Variants in MROH1 observed in about 807,000 individuals in gnomAD.
MROH1 encodes maestro heat-like repeat-containing protein family member 1.
A neutral mutation model predicts 116.5 loss-of-function variants in MROH1; 117 were observed. That is an observed-to-expected ratio of 1.00 (90% confidence interval 0.86 to 1.17). MROH1 has a LOEUF of 1.17. MROH1 is among the 50% of genes most tolerant of loss of function. The probability of loss-of-function intolerance (pLI) is 0.00; values close to 1 mark genes in which losing one functional copy is unlikely to be tolerated. For synonymous variants in MROH1, 921 were observed against 583.9 expected (o/e 1.58, Z -8.32); for missense variants, 1,873 against 1,338.5 (o/e 1.40, Z -6.23).
chr8:144,244,867 G>A (rs999296770), intron 28 of MROH1, among the ~76,000 whole-genome samples: 9,186 of 152,272 alleles, frequency 0.06, 952 homozygotes, highest in African/African-American at 0.21. Flanking sequence ...CATGCTCGGA[G>A]TGTGTTCTTC....
intron 10 of MROH1, among the ~76,000 whole-genome samples, chr8:144,195,586 C>T (rs952808771): frequency 4.0e-5 from 6 of 149,958 alleles, no homozygotes; most frequent in African/African-American, 1.2e-4. Flanking sequence ...AGGTGATCCT[C>T]TTGTCTCAGC....
Position 144,243,856 on chromosome 8 carries a change from C to T in MROH1, c.2476-7C>T. 1.3e-6 allele frequency: 1 copy of T among 778,500 alleles called. No homozygotes were observed. Among genetic ancestry groups the T allele is most frequent in the Non-Finnish European group, 2.4e-6 (1 of 416,994 alleles). 48.2% of individuals were successfully genotyped at this position (778,500 alleles called of 1,614,324 possible). On this transcript the variant is annotated splice_region_variant and splice_polypyrimidine_tract_variant and intron_variant, in intron 25 of 43. Transcript: ENST00000326134. ...CAAGGGCTGAGTCATGCACCTGCCTCACCCAGGAGTTCATCAGGGCAGAGC... is the reference window on the plus strand; with the variant it reads ...CAAGGGCTGAGTCATGCACCTGCCTTACCCAGGAGTTCATCAGGGCAGAGC...
intron 12 of MROH1, among the ~76,000 whole-genome samples, chr8:144,207,567 G>A (rs1002744816): frequency 1.1e-4 from 16 of 152,126 alleles, no homozygotes; most frequent in African/African-American, 3.9e-4. Flanking sequence ...GTGCAGTTCT[G>A]TGATCATAGC....
At chr8:144,255,410 C>T (rs1843551862) in intron 34 of MROH1, 99 bp from the exon 35 acceptor site, 2 of 702,618 alleles carry the variant, frequency 2.8e-6, no homozygotes, top group Non-Finnish European at 5.3e-6. Context: ...CCTCCGAGCA[C>T]ATGATGCAGG....
rs1841377410 is a variant in MROH1, at chr8:144,243,535, G to A, written c.2394G>A (p.Met798Ile). Residue 798 changes from methionine (M) to isoleucine (I), a missense_variant, in exon 25 of 44, where the codon ATG (methionine) becomes ATA (isoleucine). Physicochemically the swap from Met to Ile is conservative, Grantham distance 10 (BLOSUM62 1). Coordinates refer to ENST00000326134, the MANE Select transcript of MROH1 (RefSeq NM_032450.3). ...TGTGCCTTGTCCAGAGTGTGTGCAT[G>A]GTCAGCCGCGCCATCTGCAGCAGCA... Reference protein sequence around the residue: ...LKLCLVQSVCMVSRAICSSTQ... With the variant: ...LKLCLVQSVCIVSRAICSSTQ... The A allele has an allele frequency of 1.0e-5, 8 of 780,156 alleles. No individual in the cohort carries two copies. Among genetic ancestry groups the A allele is most frequent in the South Asian group, 2.7e-5 (2 of 74,610 alleles). 48.3% of individuals were successfully genotyped at this position (780,156 alleles called of 1,614,324 possible). A position where few individuals can be genotyped will look rare whatever the true frequency, so the allele number is the denominator to read the frequency against.
chr8:144,241,044 A>G lies in MROH1; in HGVS notation c.1988A>G (p.Glu663Gly). 1 of 776,234 alleles carries G rather than the reference A, an allele frequency of 1.3e-6. No homozygotes were observed. The allele number at this position is 776,234 out of a possible 1,614,324, so 48.1% of individuals were successfully genotyped here. The change falls in exon 21 of 44, where the codon GAG becomes GGG. Residue 663 changes from glutamate (E) to glycine (G), a missense_variant. Physicochemically the swap from Glu to Gly is moderately conservative, Grantham distance 98. Coordinates refer to ENST00000326134, the MANE Select transcript of MROH1 (RefSeq NM_032450.3). Reference protein sequence around the residue: ...GTTLGAASSKEVVRKHLQELL... With the variant: ...GTTLGAASSKGVVRKHLQELL... ...ACCCTGGGTGCTGCTTCAAGTAAGG[A>G]GGTGGTGAGGAAGCACCTTCAAGAG...
intron 4 of MROH1, 71 bp from the exon 5 acceptor site, chr8:144,179,384 C>T (rs1824944762): frequency 1.3e-6 from 2 of 1,586,014 alleles, no homozygotes; most frequent in Admixed American, 1.7e-5. Flanking sequence ...CTTGTAGAGA[C>T]AGTGACAGGC....
Position 144,239,073 on chromosome 8 carries a change from G to A in MROH1, c.1485G>A (p.Val495=). 2 of 777,844 alleles carry A rather than the reference G, an allele frequency of 2.6e-6. No individual in the cohort carries two copies. Among genetic ancestry groups the A allele is most frequent in the Non-Finnish European group, 4.8e-6 (2 of 417,768 alleles). The allele number at this position is 777,844 out of a possible 1,614,324, so 48.2% of individuals were successfully genotyped here. Residue 495 remains valine, a synonymous_variant, in exon 16 of 44, where the codon GTG becomes GTA. Coordinates refer to ENST00000326134, the MANE Select transcript of MROH1 (RefSeq NM_032450.3). ...ACCTGCTCCAGTTCCTCACCCCTGT[G>A]CGCTTCACTGGGGCCCTGACTCCGC... ...WPYLLQFLTP[V]RFTGALTPLC...
chr8:144,191,293 C>G (rs985346797), intron 8 of MROH1, among the ~76,000 whole-genome samples: 1 of 152,210 alleles, frequency 6.6e-6, no homozygotes, highest in Non-Finnish European at 1.5e-5. Flanking sequence ...TGGTCTCGAA[C>G]TCCTGACCTC....
At chr8:144,181,971 A>G (rs1196152181) in intron 7 of MROH1, among the ~76,000 whole-genome samples, 4 of 152,280 alleles carry the variant, frequency 2.6e-5, no homozygotes, top group South Asian at 2.1e-4. Context: ...GGGCCCTACC[A>G]TGCTGGCATT....
At chr8:144,218,017 C>T (rs1835654002) in intron 12 of MROH1, among the ~76,000 whole-genome samples, 1 of 151,756 alleles carries the variant, frequency 6.6e-6, no homozygotes, top group Admixed American at 6.6e-5. Context: ...GCCCAGGATC[C>T]CTCTGGGTGG....
rs1178391676 is a variant in MROH1, at chr8:144,182,181, G to A, written c.562+1658G>A. The stretch of plus-strand genomic sequence containing the variant: ...GGCCTAGTGGTGGGGGCGGTGGCAG[G>A]CCTGCGTCCACTGCGGGAGGGTGCA... On this transcript the variant is annotated intron_variant, in intron 7 of 43. Coordinates refer to ENST00000326134, the MANE Select transcript of MROH1 (RefSeq NM_032450.3). The surrounding 1 kb of genome is among the most constrained non-coding windows in gnomAD (Gnocchi z 4.1). 6.6e-6 allele frequency among the ~76,000 whole-genome samples: 1 copy of A among 152,208 alleles called. No individual in the cohort carries two copies. Among genetic ancestry groups the A allele is most frequent in the Non-Finnish European group, 1.5e-5 (1 of 68,036 alleles).
intron 1 of MROH1, among the ~76,000 whole-genome samples, chr8:144,155,114 C>A (rs1400432976): frequency 6.6e-6 from 1 of 152,102 alleles, no homozygotes; most frequent in Non-Finnish European, 1.5e-5. Flanking sequence ...CCACGCCCGG[C>A]CTAATTTTGT....
At position 144,249,048 on chromosome 8, in the gene MROH1, C is replaced by CG. The variant is rs1271709289; in HGVS notation, c.3273+25dup. 468 of 507,766 alleles carry CG rather than the reference C, an allele frequency of 9.2e-4. 2 individuals are homozygous for CG. Among genetic ancestry groups the CG allele is most frequent in the African/African-American group, 8.4e-3 (400 of 47,630 alleles). 31.5% of individuals were successfully genotyped at this position (507,766 alleles called of 1,614,324 possible). ...GGAGAAGGTGGGAGAGGGCGGGGCG[C>CG]GGGGGGTGCTCCAGGAGAAGGTGGG... On this transcript the variant is annotated intron_variant, in intron 32 of 43. Coordinates refer to ENST00000326134, the MANE Select transcript of MROH1 (RefSeq NM_032450.3).
intron 8 of MROH1, 83 bp downstream of exon 8, chr8:144,191,018 G>C: frequency 1.4e-6 from 2 of 1,472,840 alleles, no homozygotes; most frequent in Middle Eastern, 1.7e-4. Flanking sequence ...AAATTGATCA[G>C]AGGGTGGTGG....
At chr8:144,173,093 T>C (rs944292879) in intron 4 of MROH1, among the ~76,000 whole-genome samples, 5 of 150,754 alleles carry the variant, frequency 3.3e-5, no homozygotes. Context: ...GTGAAAGTTA[T>C]GGTACTTTTT....
At chr8:144,242,801 T>C (rs1841233558) in intron 24 of MROH1, among the ~76,000 whole-genome samples, 173 bp downstream of exon 24, 5 of 152,186 alleles carry the variant, frequency 3.3e-5, no homozygotes, top group Non-Finnish European at 2.9e-5. Context: ...TTCCCTGGCC[T>C]GGGCCCTGGA....
At chr8:144,211,889 G>A (rs1313631749) in intron 12 of MROH1, among the ~76,000 whole-genome samples, 2 of 152,124 alleles carry the variant, frequency 1.3e-5, no homozygotes, top group African/African-American at 2.4e-5. Context: ...CACCATCACC[G>A]AAGCTCAGAT....
chr8:144,161,545 G>C (rs1344925631), intron 2 of MROH1, among the ~76,000 whole-genome samples: 1 of 152,178 alleles, frequency 6.6e-6, no homozygotes, highest in African/African-American at 2.4e-5. Context: ...TGGGCTCTTA[G>C]GGCTCCGCCT....
Sources: allele counts gnomAD v4.1 joint callset (sites outside exome capture counted in the v4.1 genomes callset), GRCh38; gene constraint gnomAD v4.1.1; non-coding constraint Gnocchi (gnomAD v3.1); transcripts MANE v1.5; gene names NCBI Gene and HGNC (gene_info 2026-07-23, HGNC 2026-07-21).